The following LCLAT1 variants were observed in gnomAD, a reference collection of about 807,000 sequenced individuals.
The protein encoded by LCLAT1 is lysocardiolipin acyltransferase 1.
LCLAT1 carries 11 observed loss-of-function variants against 30.7 expected under a neutral mutation model. That is an observed-to-expected ratio of 0.36 (90% CI 0.23 to 0.59). The LOEUF is 0.59. Ranked by LOEUF, LCLAT1 falls within the 20% of genes least tolerant of loss-of-function variation. LCLAT1 has a pLI of 0.77. For missense variants in LCLAT1, 402 were observed against 458.6 expected (o/e 0.88, Z 1.13); for synonymous variants, 155 against 151.3 (o/e 1.02, Z -0.18).
At chr2:30,510,684 C>T (rs1684899034) in intron 1 of LCLAT1, among the ~76,000 whole-genome samples, 1 of 152,150 alleles carries the variant, frequency 6.6e-6, no homozygotes, top group African/African-American at 2.4e-5. Flanking sequence ...TTTCTCACAA[C>T]TCTTTTTGGC....
chr2:30,480,257 GGTGGA>G (rs1683253003), intron 1 of LCLAT1, among the ~76,000 whole-genome samples: 1 of 152,056 alleles, frequency 6.6e-6, no homozygotes, highest in Non-Finnish European at 1.5e-5. Context: ...TTTTGTCCAG[GGTGGA>G]GTGCAGTGGC....
chr2:30,610,937 A>G (rs532087620), intron 5 of LCLAT1, among the ~76,000 whole-genome samples: 1 of 151,718 alleles, frequency 6.6e-6, no homozygotes, highest in Non-Finnish European at 1.5e-5. Flanking sequence ...GCTTTTCTTC[A>G]GTTTTTTTAA....
intron 5 of LCLAT1, among the ~76,000 whole-genome samples, chr2:30,613,855 C>A (rs1667863441): frequency 4.3e-5 from 1 of 23,068 alleles, no homozygotes; most frequent in Non-Finnish European, 7.2e-5. Context: ...CCACCTCCAG[C>A]CCTAAGGCGG....
At chr2:30,559,722 T>G (rs1311757522) in intron 3 of LCLAT1, among the ~76,000 whole-genome samples, 2 of 152,182 alleles carry the variant, frequency 1.3e-5, no homozygotes, top group African/African-American at 4.8e-5. Flanking sequence ...TCAAAAACAT[T>G]GTATAATCTC....
At chr2:30,520,494 C>T (rs1345328494) in intron 1 of LCLAT1, among the ~76,000 whole-genome samples, 1 of 152,132 alleles carries the variant, frequency 6.6e-6, no homozygotes, top group East Asian at 1.9e-4. Context: ...AGTTACCTGG[C>T]TTAAAGTTCC....
At chr2:30,550,560 T>C (rs569764268) in intron 3 of LCLAT1, among the ~76,000 whole-genome samples, 2 of 152,326 alleles carry the variant, frequency 1.3e-5, no homozygotes, top group African/African-American at 2.4e-5. Context: ...AGCTGTAGGC[T>C]TGGGGGAAGA....
intron 5 of LCLAT1, among the ~76,000 whole-genome samples, chr2:30,620,493 T>C (rs974332140): frequency 1.3e-5 from 2 of 152,154 alleles, no homozygotes; most frequent in African/African-American, 4.8e-5. Context: ...TAGGAACCTA[T>C]TTTCCATAGG....
At chr2:30,600,424 A>C (rs770796367) in intron 5 of LCLAT1, among the ~76,000 whole-genome samples, 1 of 152,214 alleles carries the variant, frequency 6.6e-6, no homozygotes, top group Non-Finnish European at 1.5e-5. Context: ...GAAAGATCTC[A>C]AATTGACATC....
At chr2:30,551,847 A>G (rs1469391098) in intron 3 of LCLAT1, among the ~76,000 whole-genome samples, 4 of 152,308 alleles carry the variant, frequency 2.6e-5, no homozygotes, top group Non-Finnish European at 5.9e-5. Context: ...TTTAATTTTC[A>G]TAGGTACATA....
intron 5 of LCLAT1, among the ~76,000 whole-genome samples, chr2:30,617,205 G>A (rs576866702): frequency 6.6e-6 from 1 of 152,234 alleles, no homozygotes; most frequent in South Asian, 2.1e-4. Flanking sequence ...TTCCCTGAAC[G>A]TTGGTCCCTG....
At chr2:30,451,268 G>A (rs1681535470) in intron 1 of LCLAT1, among the ~76,000 whole-genome samples, 1 of 152,030 alleles carries the variant, frequency 6.6e-6, no homozygotes, top group South Asian at 2.1e-4. Context: ...TGTTGGTGGG[G>A]GCCAGTGTTG....
chr2:30,595,777 C>T (rs928036365), intron 5 of LCLAT1, among the ~76,000 whole-genome samples: 1 of 152,118 alleles, frequency 6.6e-6, no homozygotes, highest in Non-Finnish European at 1.5e-5. Flanking sequence ...GCTGTATTTC[C>T]TGATGCTTTC....
intron 5 of LCLAT1, among the ~76,000 whole-genome samples, chr2:30,621,562 T>G (rs1009470454): frequency 6.6e-6 from 1 of 152,138 alleles, no homozygotes. Flanking sequence ...CACAGACCCT[T>G]TGATGGAAGC....
At chr2:30,549,119 A>G (rs1228243857) in intron 3 of LCLAT1, among the ~76,000 whole-genome samples, 1 of 152,196 alleles carries the variant, frequency 6.6e-6, no homozygotes, top group Non-Finnish European at 1.5e-5. Context: ...TTTGTTTTGA[A>G]TGTGTTATCT....
rs149667980 is a variant in LCLAT1 at position 30,551,159 on chromosome 2, T to G, written c.365-10987T>G. ...TTGCCTGGCTAATTTAAAATAAATT[T>G]TAAAAGACAACAACTTTTTTTTTTG... On this transcript the variant is annotated intron_variant, in intron 3 of 5. Transcript: ENST00000379509. Among the ~76,000 whole-genome samples, 45 of 152,322 alleles carry G rather than the reference T, an allele frequency of 3.0e-4. No homozygotes were observed. The East Asian group carries it at 8.5e-3, about 29-fold the overall frequency.
chr2:30,480,652 C>A (rs1196360498), intron 1 of LCLAT1, among the ~76,000 whole-genome samples: 1 of 152,036 alleles, frequency 6.6e-6, no homozygotes, highest in East Asian at 1.9e-4. Flanking sequence ...CTTTGGGAGG[C>A]CTAGGCGAGG....
chr2:30,460,197 C>G (rs1362494177), intron 1 of LCLAT1, among the ~76,000 whole-genome samples: 1 of 152,194 alleles, frequency 6.6e-6, no homozygotes, highest in African/African-American at 2.4e-5. Context: ...GTGTGAATAA[C>G]TGACAACTGA....
At chr2:30,551,913 T>C (rs997996381) in intron 3 of LCLAT1, among the ~76,000 whole-genome samples, 1 of 152,230 alleles carries the variant, frequency 6.6e-6, no homozygotes, top group East Asian at 1.9e-4. Flanking sequence ...TATGATTACA[T>C]TGGGCCCACT....
At chr2:30,559,975 C>A (rs1025170574) in intron 3 of LCLAT1, among the ~76,000 whole-genome samples, 1 of 152,100 alleles carries the variant, frequency 6.6e-6, no homozygotes. Flanking sequence ...GATACTGTTG[C>A]ATTGTGCTCA....
Sources: allele counts gnomAD v4.1 joint callset (sites outside exome capture counted in the v4.1 genomes callset), GRCh38; gene constraint gnomAD v4.1.1; transcripts MANE v1.5; gene names NCBI Gene and HGNC (gene_info 2026-07-23, HGNC 2026-07-21).